Variants in RABGAP1L observed in about 807,000 individuals in gnomAD.
RABGAP1L encodes the protein RAB GTPase activating protein 1 like.
In RABGAP1L, 63 loss-of-function variants were observed where a neutral mutation model predicts 137.7. The observed-to-expected ratio is 0.46, with a 90% confidence interval of 0.37 to 0.56. The LOEUF (loss-of-function observed/expected upper bound fraction) is 0.56. Ranked by LOEUF, RABGAP1L falls within the 20% of genes least tolerant of loss-of-function variation. The probability of loss-of-function intolerance (pLI) is 0.00; values close to 1 mark genes in which losing one functional copy is unlikely to be tolerated. For synonymous variants in RABGAP1L, 431 were observed against 433.7 expected (o/e 0.99, Z 0.08); for missense variants, 1,095 against 1,244.0 (o/e 0.88, Z 1.80).
chr1:174,749,817 A>C (rs1684196685), intron 17 of RABGAP1L, among the ~76,000 whole-genome samples: 3 of 152,112 alleles, frequency 2.0e-5, no homozygotes, highest in African/African-American at 7.2e-5. Context: ...ATAGAAAGTA[A>C]ATTTTCCCCA....
chr1:174,910,729 A>G (rs1659922427), intron 19 of RABGAP1L, among the ~76,000 whole-genome samples: 1 of 152,240 alleles, frequency 6.6e-6, no homozygotes, highest in South Asian at 2.1e-4. Flanking sequence ...ATACAAAATC[A>G]ACATACAAAA....
At chr1:174,648,242 G>T (rs892366813) in intron 14 of RABGAP1L, among the ~76,000 whole-genome samples, 1 of 151,920 alleles carries the variant, frequency 6.6e-6, no homozygotes, top group Non-Finnish European at 1.5e-5. Flanking sequence ...CTTGTCTTCT[G>T]CTAGTTTTTG....
chr1:174,212,912 T>C (rs934203393), intron 1 of RABGAP1L, among the ~76,000 whole-genome samples: 1 of 152,184 alleles, frequency 6.6e-6, no homozygotes, highest in Non-Finnish European at 1.5e-5. Flanking sequence ...TATGAGCAAC[T>C]ATATGCCAAT....
At chr1:174,689,847 G>C (rs530114195) in intron 15 of RABGAP1L, among the ~76,000 whole-genome samples, 3 of 152,136 alleles carry the variant, frequency 2.0e-5, no homozygotes, top group African/African-American at 7.2e-5. Flanking sequence ...TATAGGAAGA[G>C]GGGTTTTGAT....
At chr1:174,630,062 C>A (rs543028501) in intron 13 of RABGAP1L, among the ~76,000 whole-genome samples, 170 of 150,718 alleles carry the variant, frequency 1.1e-3, no homozygotes, top group Middle Eastern at 3.4e-3. Context: ...TTTTGAAATA[C>A]GTCCCATCAA....
intron 7 of RABGAP1L, among the ~76,000 whole-genome samples, chr1:174,270,456 CG>C (rs1047363557): frequency 4.0e-5 from 6 of 151,824 alleles, no homozygotes; most frequent in African/African-American, 1.5e-4. Context: ...GGTGGGAGAG[CG>C]GGGTGAAGGT....
At chr1:174,263,334 C>T (rs553745845) in intron 7 of RABGAP1L, among the ~76,000 whole-genome samples, 1 of 152,218 alleles carries the variant, frequency 6.6e-6, no homozygotes, top group African/African-American at 2.4e-5. Context: ...CCAACTTCCA[C>T]GTTAGTTCTT....
intron 19 of RABGAP1L, among the ~76,000 whole-genome samples, chr1:174,864,387 A>G (rs1329675657): frequency 3.3e-5 from 5 of 152,226 alleles, no homozygotes; most frequent in Non-Finnish European, 5.9e-5. Flanking sequence ...AAGACATACC[A>G]GAGACTGGTT....
intron 18 of RABGAP1L, among the ~76,000 whole-genome samples, chr1:174,764,251 A>G (rs550766851): frequency 2.6e-5 from 4 of 152,362 alleles, no homozygotes; most frequent in Admixed American, 2.6e-4. Context: ...GATTGTTATG[A>G]ATAATACTAC....
chr1:174,745,357 A>G (rs1683789715), intron 17 of RABGAP1L, among the ~76,000 whole-genome samples: 1 of 152,206 alleles, frequency 6.6e-6, no homozygotes, highest in Admixed American at 6.5e-5. Flanking sequence ...CACTTCCACC[A>G]TATTCTACTG....
At chr1:174,715,239 A>G (rs1037890972) in intron 17 of RABGAP1L, among the ~76,000 whole-genome samples, 3 of 152,178 alleles carry the variant, frequency 2.0e-5, no homozygotes, top group African/African-American at 7.2e-5. Context: ...CTTCTAAGTA[A>G]TAAGTGTTGA....
At chr1:174,722,647 C>T (rs2148595655) in intron 17 of RABGAP1L, among the ~76,000 whole-genome samples, 1 of 152,014 alleles carries the variant, frequency 6.6e-6, no homozygotes, top group Non-Finnish European at 1.5e-5. Context: ...GATGGGGTTT[C>T]ATCATGTTGT....
intron 18 of RABGAP1L, among the ~76,000 whole-genome samples, chr1:174,796,864 G>C (rs112716795): frequency 0.093 from 14,108 of 151,926 alleles, 870 homozygotes; most frequent in East Asian, 0.22. Flanking sequence ...AAAGTTAGCC[G>C]GGCATGGTGG....
chr1:174,638,026 G>T lies in RABGAP1L; in HGVS notation c.1824+538G>T, dbSNP rs527507790. Among the ~76,000 whole-genome samples the T allele has an allele frequency of 2.6e-5, 4 of 152,194 alleles. No individual in the cohort carries two copies. In the East Asian group the frequency reaches 5.8e-4, roughly 22 times the overall value. On this transcript the variant is annotated intron_variant, in intron 14 of 25. Transcript: ENST00000681986. The stretch of plus-strand genomic sequence containing the variant: ...ACCTGTTTCCTGATTTTCAGTAAAT[G>T]TGCTCTGCTTGGATACAGAAGATTC...
chr1:174,884,438 A>G (rs1307899544), intron 19 of RABGAP1L, among the ~76,000 whole-genome samples: 1 of 152,194 alleles, frequency 6.6e-6, no homozygotes, highest in African/African-American at 2.4e-5. Context: ...TCAAATATTG[A>G]TTAGAATAAA....
At chr1:174,978,496 T>C (rs1670833798) in intron 22 of RABGAP1L, among the ~76,000 whole-genome samples, 1 of 152,218 alleles carries the variant, frequency 6.6e-6, no homozygotes, top group Non-Finnish European at 1.5e-5. Flanking sequence ...TTTTAGACTC[T>C]TATAAGGATA....
At chr1:174,607,351 C>T (rs1029672249) in intron 13 of RABGAP1L, among the ~76,000 whole-genome samples, 16 of 152,238 alleles carry the variant, frequency 1.1e-4, no homozygotes, top group Middle Eastern at 3.4e-3. Context: ...TGCCTTCAGT[C>T]TCTACGGGCA....
At chr1:174,323,233 A>G (rs1275452705) in intron 11 of RABGAP1L, among the ~76,000 whole-genome samples, 1 of 152,148 alleles carries the variant, frequency 6.6e-6, no homozygotes, top group Non-Finnish European at 1.5e-5. Flanking sequence ...TACTCATTTT[A>G]GCCCTGAGAA....
At chr1:174,488,408 TCC>T (rs1428725368) in intron 13 of RABGAP1L, among the ~76,000 whole-genome samples, 1 of 152,092 alleles carries the variant, frequency 6.6e-6, no homozygotes, top group Non-Finnish European at 1.5e-5. Context: ...GACTTAGAGC[TCC>T]ATTGTATGTT....
Sources: gnomAD v4.1 joint callset for allele counts (sites outside exome capture counted in the v4.1 genomes callset) on GRCh38, gnomAD v4.1.1 for gene constraint, MANE v1.5 for transcripts, NCBI Gene and HGNC (gene_info 2026-07-23, HGNC 2026-07-21) for gene names.